MTHFD1L: variants seen among roughly 807,000 people sequenced by gnomAD.
The protein encoded by MTHFD1L is monofunctional C1-tetrahydrofolate synthase, mitochondrial.
Under a neutral mutation model 119.5 loss-of-function variants are expected in MTHFD1L, and 81 were observed. That is an observed-to-expected ratio of 0.68 (90% confidence interval 0.57 to 0.82). The LOEUF is 0.82. Among genes scored for constraint, MTHFD1L ranks in the 40% least tolerant of loss-of-function variants. The pLI is 0.00. For missense variants in MTHFD1L, 1,125 were observed against 1,253.4 expected, an observed-to-expected ratio of 0.90 and a Z score of 1.55; for synonymous variants, 430 against 475.2, an observed-to-expected ratio of 0.90 and a Z score of 1.24.
chr6:151,094,455 C>G (rs143820236), intron 27 of MTHFD1L, among the ~76,000 whole-genome samples: 1 of 152,164 alleles, frequency 6.6e-6, no homozygotes, highest in Non-Finnish European at 1.5e-5. Flanking sequence ...CTCCGCCTCC[C>G]GGGTTCAAGC....
intron 27 of MTHFD1L, among the ~76,000 whole-genome samples, chr6:151,094,431 C>G (rs1163126901): frequency 6.6e-6 from 1 of 152,230 alleles, no homozygotes; most frequent in Admixed American, 6.5e-5. Flanking sequence ...GGCGTGATCT[C>G]TGCTCACTGC....
intron 1 of MTHFD1L, among the ~76,000 whole-genome samples, chr6:150,873,891 A>G (rs1297139861): frequency 6.6e-6 from 1 of 152,054 alleles, no homozygotes; most frequent in African/African-American, 2.4e-5. Context: ...GATGGTCTCA[A>G]ACTCCTGACC....
intron 7 of MTHFD1L, among the ~76,000 whole-genome samples, chr6:150,889,033 C>T (rs773030457): frequency 2.4e-4 from 37 of 152,098 alleles, no homozygotes; most frequent in Non-Finnish European, 4.3e-4. Flanking sequence ...AAAAATTAGC[C>T]GGGCGTGTCG....
intron 20 of MTHFD1L, among the ~76,000 whole-genome samples, chr6:150,975,020 G>T (rs1776352666): frequency 6.6e-6 from 1 of 152,088 alleles, no homozygotes. Flanking sequence ...TTACAGGTGT[G>T]AGCCACCACA....
intron 26 of MTHFD1L, among the ~76,000 whole-genome samples, chr6:151,086,976 G>C (rs568809969): frequency 2.0e-5 from 3 of 152,118 alleles, no homozygotes; most frequent in African/African-American, 7.2e-5. Flanking sequence ...TCAGCCAGGC[G>C]CAATTGCTCA....
At chr6:150,925,902 G>C (rs1789891694) in intron 10 of MTHFD1L, among the ~76,000 whole-genome samples, 1 of 152,024 alleles carries the variant, frequency 6.6e-6, no homozygotes, top group African/African-American at 2.4e-5. Flanking sequence ...CACAATTCTA[G>C]GATCTTTGTG....
intron 7 of MTHFD1L, among the ~76,000 whole-genome samples, chr6:150,900,499 G>A (rs977130381): frequency 1.3e-5 from 2 of 152,142 alleles, no homozygotes; most frequent in Non-Finnish European, 2.9e-5. Flanking sequence ...CCTAAATGCT[G>A]TGTGTCCCGA....
At chr6:151,099,755 TC>T (rs1455598724) in intron 27 of MTHFD1L, 1 of 1,609,436 alleles carries the variant, frequency 6.2e-7, no homozygotes, top group Non-Finnish European at 8.5e-7. Flanking sequence ...TTCCGGAAGT[TC>T]CTGGTCCACA....
intron 20 of MTHFD1L, among the ~76,000 whole-genome samples, chr6:151,008,017 A>G (rs1781639627): frequency 6.6e-6 from 1 of 152,232 alleles, no homozygotes. Flanking sequence ...CAATGGTCAT[A>G]AAAATTTTTT....
At chr6:151,082,161 C>CGG (rs1193176562) in intron 26 of MTHFD1L, among the ~76,000 whole-genome samples, 4 of 152,156 alleles carry the variant, frequency 2.6e-5, no homozygotes, top group African/African-American at 9.7e-5. Flanking sequence ...TGCTACCTGT[C>CGG]GGTCAAACGG....
chr6:150,921,391 C>T (rs1312052213), intron 9 of MTHFD1L, among the ~76,000 whole-genome samples: 2 of 152,132 alleles, frequency 1.3e-5, no homozygotes, highest in African/African-American at 4.8e-5. Context: ...AAGAGGATTA[C>T]AGGCGTGAGC....
intron 19 of MTHFD1L, among the ~76,000 whole-genome samples, chr6:150,970,140 G>A (rs1300889251): frequency 1.3e-5 from 2 of 152,172 alleles, no homozygotes; most frequent in Non-Finnish European, 2.9e-5. Context: ...ATCCTTACAG[G>A]TTGCCAGGAG....
At chr6:150,900,262 G>A (rs1208040785) in intron 7 of MTHFD1L, among the ~76,000 whole-genome samples, 3 of 152,016 alleles carry the variant, frequency 2.0e-5, no homozygotes, top group African/African-American at 7.2e-5. Context: ...CTTGACCACA[G>A]CTGTCATATA....
intron 26 of MTHFD1L, among the ~76,000 whole-genome samples, chr6:151,046,642 A>G (rs994014006): frequency 2.0e-5 from 3 of 151,942 alleles, no homozygotes; most frequent in African/African-American, 7.3e-5. Flanking sequence ...AGGCACCCAT[A>G]AAAGTATCTG....
intron 20 of MTHFD1L, among the ~76,000 whole-genome samples, chr6:150,999,095 A>G (rs966387766): frequency 9.2e-5 from 14 of 151,936 alleles, no homozygotes; most frequent in African/African-American, 2.7e-4. Flanking sequence ...ACCCCAAGAT[A>G]TCTCGTTATG....
rs1782624012 is a variant in MTHFD1L, at chr6:151,013,781, A to G, written c.2268A>G (p.Val756=). ...ALKMHGGGPS[V]TAGVPLKKEY... ...CATGTTTTCTCTCCTTATTTCAGGT[A>G]ACGGCTGGTGTTCCTCTTAAGAAAG... The change falls in exon 22 of 28, where the codon GTA becomes GTG. Residue 756 remains valine (V), a splice_region_variant and synonymous_variant. Coordinates refer to ENST00000367321, the MANE Select transcript of MTHFD1L (RefSeq NM_015440.5). 3 of 1,612,166 alleles carry G rather than the reference A, an allele frequency of 1.9e-6. No individual in the cohort carries two copies. The highest frequency in any genetic ancestry group is 2.5e-6 in the Non-Finnish European group (3 of 1,178,608).
At chr6:150,928,433 C>CAAAAAA (rs540059318) in intron 11 of MTHFD1L, among the ~76,000 whole-genome samples, 9 of 70,946 alleles carry the variant, frequency 1.3e-4, no homozygotes, top group African/African-American at 4.1e-4. Context: ...AAGACTGTCT[C>CAAAAAA]AAAAAAAAAA....
At chr6:150,950,092 C>T (rs908760871) in intron 16 of MTHFD1L, among the ~76,000 whole-genome samples, 9 of 152,148 alleles carry the variant, frequency 5.9e-5, no homozygotes, top group Non-Finnish European at 1.3e-4. Flanking sequence ...ATCTTGCTTC[C>T]GTTTCCATCC....
intron 1 of MTHFD1L, chr6:150,866,324 C>G: frequency 2.1e-6 from 3 of 1,456,846 alleles, no homozygotes; most frequent in Non-Finnish European, 2.7e-6. Flanking sequence ...GGACCGCACG[C>G]CCGGCTCCAC....
Sources: gnomAD v4.1 joint callset for allele counts (sites outside exome capture counted in the v4.1 genomes callset) on GRCh38, gnomAD v4.1.1 for gene constraint, MANE v1.5 for transcripts, NCBI Gene and HGNC (gene_info 2026-07-23, HGNC 2026-07-21) for gene names.